ENOX1: variants seen among roughly 807,000 people sequenced by gnomAD.
ENOX1 encodes candidate growth-related and time keeping constitutive hydroquinone (NADH) oxidase.
Under a neutral mutation model 82.5 loss-of-function variants are expected in ENOX1, and 42 were observed. The ratio of observed to expected loss-of-function variants is 0.51; its 90% CI spans 0.40 to 0.66. The LOEUF is 0.66. ENOX1 is among the 30% of genes least tolerant of loss of function. ENOX1 has a pLI of 0.00. For missense variants in ENOX1, 608 were observed against 811.6 expected, an observed-to-expected ratio of 0.75 and a Z score of 3.05; for synonymous variants, 271 against 282.2, an observed-to-expected ratio of 0.96 and a Z score of 0.40.
intron 1 of ENOX1, among the ~76,000 whole-genome samples, chr13:43,781,104 T>C (rs1448532066): frequency 6.6e-6 from 1 of 152,264 alleles, no homozygotes. Context: ...CTTTCTATAC[T>C]GACAAATATA....
At chr13:43,403,276 T>G (rs1164090788) in intron 5 of ENOX1, among the ~76,000 whole-genome samples, 1 of 152,130 alleles carries the variant, frequency 6.6e-6, no homozygotes, top group Middle Eastern at 3.4e-3. Flanking sequence ...GATGAAAAAA[T>G]TTTTATATTA....
Position 43,725,099 on chromosome 13 carries a change from GTC to G in ENOX1, c.-284-57557_-284-57556del, listed in dbSNP as rs570116400. 3.9e-5 allele frequency among the ~76,000 whole-genome samples: 6 copies of G among 152,258 alleles called. No homozygotes were observed. The East Asian group carries it at 1.2e-3, about 29-fold the overall frequency. On this transcript the variant is annotated intron_variant, in intron 1 of 16. Transcript: ENST00000690772. ...TTCAGACATGATTACATGGATATAT[GTC>G]TCACTTTCCTTGATTATTAAGTTGT...
intron 3 of ENOX1, among the ~76,000 whole-genome samples, chr13:43,445,315 G>A (rs867296898): frequency 3.2e-4 from 49 of 151,934 alleles, no homozygotes; most frequent in African/African-American, 1.1e-3. Context: ...AGTAGAGATG[G>A]GGTTTCACCG....
intron 2 of ENOX1, among the ~76,000 whole-genome samples, chr13:43,639,994 A>C (rs1461592894): frequency 1.3e-5 from 2 of 152,150 alleles, no homozygotes; most frequent in Admixed American, 6.6e-5. Context: ...GCATCACTGC[A>C]CTCCAGCCTG....
chr13:43,484,559 A>T (rs2058620694), intron 2 of ENOX1, among the ~76,000 whole-genome samples: 1 of 152,178 alleles, frequency 6.6e-6, no homozygotes, highest in Non-Finnish European at 1.5e-5. Context: ...CATTTTACAG[A>T]TGAGAAAAAA....
intron 1 of ENOX1, among the ~76,000 whole-genome samples, chr13:43,759,082 G>A (rs1210319229): frequency 6.9e-6 from 1 of 145,758 alleles, no homozygotes; most frequent in Non-Finnish European, 1.5e-5. Context: ...CCTGGCCCCT[G>A]GAACTGATAA....
intron 3 of ENOX1, among the ~76,000 whole-genome samples, chr13:43,436,736 T>C (rs530927894): frequency 2.9e-4 from 44 of 152,238 alleles, no homozygotes; most frequent in Admixed American, 7.2e-4. Flanking sequence ...CAGATCCACA[T>C]CATTATTTAC....
At chr13:43,518,898 T>C (rs80187658) in intron 2 of ENOX1, among the ~76,000 whole-genome samples, 42 of 152,200 alleles carry the variant, frequency 2.8e-4, no homozygotes, top group South Asian at 6.2e-4. Flanking sequence ...TAAAAGTAAA[T>C]TACAGAAAGT....
At chr13:43,541,217 G>A (rs1379756048) in intron 2 of ENOX1, among the ~76,000 whole-genome samples, 2 of 85,472 alleles carry the variant, frequency 2.3e-5, no homozygotes, top group Non-Finnish European at 2.4e-5. Flanking sequence ...TGATTTCAGG[G>A]ACCAGATGCT....
At chr13:43,470,356 A>ATATATATATGTG (rs1566307283) in intron 3 of ENOX1, among the ~76,000 whole-genome samples, 6 of 51,240 alleles carry the variant, frequency 1.2e-4, no homozygotes, top group African/African-American at 3.1e-4. Flanking sequence ...ATATATATGT[A>ATATATATATGTG]TATATATACG....
chr13:43,470,317 C>CGTATATATATGTATATATAT lies in ENOX1; in HGVS notation c.-75+13691_-75+13692insATATATATACATATATATAC, dbSNP rs1342127897. 7.1e-5 allele frequency among the ~76,000 whole-genome samples: 3 copies of CGTATATATATGTATATATAT among 42,146 alleles called. 1 individual carries two copies. The highest frequency in any genetic ancestry group is 4.6e-4 in the Admixed American group (2 of 4,366). 27.6% of individuals were successfully genotyped at this position (42,146 alleles called of 152,430 possible). ...ATACACATATATATACATATATATACACATATATATATGTATATATATACG... is the reference window on the plus strand; with the variant it reads ...ATACACATATATATACATATATATACGTATATATATGTATATATATACATATATATATGTATATATATACG... On this transcript the variant is annotated intron_variant, in intron 3 of 16. Coordinates refer to ENST00000690772, the MANE Select transcript of ENOX1 (RefSeq NM_001347969.2).
At chr13:43,686,762 G>T (rs1044069531) in intron 1 of ENOX1, among the ~76,000 whole-genome samples, 31 of 152,262 alleles carry the variant, frequency 2.0e-4, no homozygotes, top group Middle Eastern at 3.4e-3. Flanking sequence ...GTGACATCAT[G>T]GGAACAGTGT....
chr13:43,745,691 A>C (rs1000519282), intron 1 of ENOX1, among the ~76,000 whole-genome samples: 12 of 152,158 alleles, frequency 7.9e-5, no homozygotes, highest in African/African-American at 2.2e-4. Context: ...TCCCTACCCC[A>C]ATCTTATCTT....
intron 14 of ENOX1, among the ~76,000 whole-genome samples, chr13:43,242,649 C>T (rs573408969): frequency 6.6e-6 from 1 of 152,328 alleles, no homozygotes; most frequent in Admixed American, 6.5e-5. Context: ...TCAACATCTT[C>T]AAGACCCAGA....
intron 1 of ENOX1, among the ~76,000 whole-genome samples, chr13:43,700,735 G>T (rs1032315659): frequency 6.6e-6 from 1 of 152,064 alleles, no homozygotes; most frequent in African/African-American, 2.4e-5. Context: ...CATGATAGTT[G>T]TATCATGTTA....
chr13:43,318,949 C>T (rs190728186), intron 11 of ENOX1, among the ~76,000 whole-genome samples: 6 of 152,120 alleles, frequency 3.9e-5, no homozygotes, highest in Admixed American at 6.5e-5. Flanking sequence ...AACGCTATCC[C>T]GCCCCACAGA....
At chr13:43,525,077 T>C (rs1183221418) in intron 2 of ENOX1, among the ~76,000 whole-genome samples, 3 of 152,180 alleles carry the variant, frequency 2.0e-5, no homozygotes. Context: ...TTAAATAATG[T>C]ATATTTTTAA....
intron 2 of ENOX1, among the ~76,000 whole-genome samples, chr13:43,649,705 G>GCA (rs141427130): frequency 0.013 from 2,021 of 152,224 alleles, 56 homozygotes; most frequent in African/African-American, 0.046. Context: ...GTCAAAAGTA[G>GCA]CACACACACT....
rs929506431 is a variant in ENOX1, at chr13:43,632,367, T to A, written c.-219+35112A>T. On this transcript the variant is annotated intron_variant, in intron 2 of 16. Coordinates refer to ENST00000690772, the MANE Select transcript of ENOX1 (RefSeq NM_001347969.2). ...AATCATATATATTCATCAATTATAT[T>A]TTCTTTTTTTAATGTATTTCTTTTT... 5.9e-5 allele frequency among the ~76,000 whole-genome samples: 9 copies of A among 151,924 alleles called. No individual in the cohort carries two copies. In the East Asian group the frequency reaches 9.7e-4, roughly 16 times the overall value.
Sources: allele counts gnomAD v4.1 joint callset (sites outside exome capture counted in the v4.1 genomes callset), GRCh38; gene constraint gnomAD v4.1.1; transcripts MANE v1.5; gene names NCBI Gene and HGNC (gene_info 2026-07-23, HGNC 2026-07-21).